The following GSTCD variants were observed in gnomAD, a reference collection of about 807,000 sequenced individuals.
GSTCD encodes glutathione S-transferase C-terminal domain-containing protein.
GSTCD carries 44 observed loss-of-function variants against 68.3 expected under a neutral mutation model. That is an observed-to-expected ratio of 0.64 (90% CI 0.51 to 0.83). The LOEUF (loss-of-function observed/expected upper bound fraction) is 0.83, where lower values mean the gene tolerates loss of function less well. GSTCD is among the 40% of genes least tolerant of loss of function. GSTCD has a pLI of 0.00. For missense variants in GSTCD, 739 were observed against 735.9 expected (o/e 1.00, Z -0.05); for synonymous variants, 273 against 255.2 (o/e 1.07, Z -0.67).
At chr4:105,753,821 A>C (rs2149229343) in intron 5 of GSTCD, among the ~76,000 whole-genome samples, 1 of 152,174 alleles carries the variant, frequency 6.6e-6, no homozygotes, top group South Asian at 2.1e-4. Context: ...GCTCTTTATT[A>C]ATTCCATTTT....
At chr4:105,715,304 TAA>T (rs1285004627) in intron 1 of GSTCD, among the ~76,000 whole-genome samples, 1 of 152,124 alleles carries the variant, frequency 6.6e-6, no homozygotes, top group Non-Finnish European at 1.5e-5. Flanking sequence ...TTCAGCTTTA[TAA>T]AAAAACTCTT....
chr4:105,790,477 A>G (rs1039410620), intron 5 of GSTCD, among the ~76,000 whole-genome samples: 3 of 152,068 alleles, frequency 2.0e-5, no homozygotes, highest in Non-Finnish European at 2.9e-5. Context: ...TTGTCTGTAA[A>G]AAAATTTTAA....
intron 5 of GSTCD, among the ~76,000 whole-genome samples, chr4:105,808,788 T>C (rs1722633445): frequency 6.6e-6 from 1 of 152,100 alleles, no homozygotes; most frequent in South Asian, 2.1e-4. Context: ...TCATTCTAAG[T>C]AGCATGATGA....
chr4:105,740,469 C>T (rs541134707), intron 5 of GSTCD, among the ~76,000 whole-genome samples: 1 of 152,136 alleles, frequency 6.6e-6, no homozygotes, highest in South Asian at 2.1e-4. Context: ...GTTTCTGTTA[C>T]TTCTTTGATG....
At chr4:105,789,933 TA>T (rs924524520) in intron 5 of GSTCD, among the ~76,000 whole-genome samples, 21 of 145,838 alleles carry the variant, frequency 1.4e-4, no homozygotes, top group East Asian at 1.2e-3. Flanking sequence ...CTCTAGTCAT[TA>T]AAAAAAAAAA....
At chr4:105,776,282 G>A (rs1043799125) in intron 5 of GSTCD, among the ~76,000 whole-genome samples, 2 of 152,152 alleles carry the variant, frequency 1.3e-5, no homozygotes, top group Non-Finnish European at 2.9e-5. Context: ...GCTCTGTGGG[G>A]GTGGAATCTG....
chr4:105,808,082 T>C (rs1028068162), intron 5 of GSTCD, among the ~76,000 whole-genome samples: 8 of 152,156 alleles, frequency 5.3e-5, no homozygotes, highest in Admixed American at 4.6e-4. Context: ...TTCTGTTTAC[T>C]AAATATAATA....
At chr4:105,811,696 A>G (rs1373366928) in intron 5 of GSTCD, among the ~76,000 whole-genome samples, 1 of 152,128 alleles carries the variant, frequency 6.6e-6, no homozygotes, top group African/African-American at 2.4e-5. Context: ...AAAGAAAGAA[A>G]AAAAAAATCT....
Position 105,842,112 on chromosome 4 carries a change from C to T in GSTCD, c.1743C>T (p.Leu581=), listed in dbSNP as rs1451918678. The T allele has an allele frequency of 6.2e-7, 1 of 1,613,890 alleles. No homozygotes were observed. The highest frequency in any genetic ancestry group is 1.1e-5 in the South Asian group (1 of 91,072). The part of the protein sequence containing the change: ...CRFADQTAVQ[L]PPQRRLIGKQ... ...TTGCAGACCAGACAGCTGTCCAGCT[C>T]CCACCCCAACGAAGGCTCATAGGTA... Residue 581 remains leucine (L), a synonymous_variant, in exon 11 of 12, where the codon CTC becomes CTT. Transcript: ENST00000515279.
chr4:105,841,201 G>A (rs564279212), intron 10 of GSTCD, among the ~76,000 whole-genome samples: 4 of 152,064 alleles, frequency 2.6e-5, no homozygotes, highest in South Asian at 2.1e-4. Flanking sequence ...GCGTGCGCCT[G>A]TAGTGCCAGC....
At chr4:105,771,104 G>C (rs552766365) in intron 5 of GSTCD, among the ~76,000 whole-genome samples, 1 of 152,134 alleles carries the variant, frequency 6.6e-6, no homozygotes, top group East Asian at 1.9e-4. Flanking sequence ...GTTTTGATTT[G>C]AATTTCTCTA....
chr4:105,839,166 GC>G (rs1724237502), intron 10 of GSTCD, among the ~76,000 whole-genome samples: 1 of 152,100 alleles, frequency 6.6e-6, no homozygotes, highest in South Asian at 2.1e-4. Context: ...TAGTGTTCAT[GC>G]TTTCAGCCAA....
At chr4:105,758,864 C>A (rs989085398) in intron 5 of GSTCD, among the ~76,000 whole-genome samples, 17 of 152,216 alleles carry the variant, frequency 1.1e-4, no homozygotes, top group South Asian at 2.1e-4. Flanking sequence ...ATAAGTTTTA[C>A]AGGCTGATAG....
rs962994351 is a variant in GSTCD at position 105,847,690 on chromosome 4, T to C, written c.*2113T>C. On this transcript the variant is annotated 3_prime_UTR_variant, in exon 12 of 12. Transcript: ENST00000515279. ...TTACTTTAATGATTAATATTTTCTG[T>C]GTTCTTTCTAATAAATTTTACGAAC... The C allele has an allele frequency of 6.6e-6, 1 of 152,204 alleles. No homozygotes were observed. The highest frequency in any genetic ancestry group is 2.4e-5 in the African/African-American group (1 of 41,466). The allele number at this position is 152,204 out of a possible 1,614,324, so 9.4% of individuals were successfully genotyped here.
intron 2 of GSTCD, 40 bp downstream of exon 2, chr4:105,718,079 A>G (rs1315744402): frequency 2.8e-6 from 4 of 1,454,240 alleles, no homozygotes; most frequent in Admixed American, 2.2e-5. Context: ...GAAGCTACAC[A>G]GTGATAACAT....
intron 3 of GSTCD, among the ~76,000 whole-genome samples, chr4:105,724,717 C>T (rs1322184145): frequency 2.0e-5 from 3 of 151,890 alleles, no homozygotes; most frequent in South Asian, 2.1e-4. Context: ...CTATGAGACC[C>T]CTCAAAATAC....
intron 1 of GSTCD, among the ~76,000 whole-genome samples, chr4:105,711,746 C>G (rs1244690514): frequency 6.6e-6 from 1 of 152,102 alleles, no homozygotes; most frequent in African/African-American, 2.4e-5. Flanking sequence ...ATATTTGCAC[C>G]CAGGTGGTCT....
intron 3 of GSTCD, among the ~76,000 whole-genome samples, chr4:105,723,897 A>G (rs1012407365): frequency 6.6e-6 from 1 of 151,778 alleles, no homozygotes; most frequent in Admixed American, 6.6e-5. Context: ...ATTCTTTATC[A>G]TTTGTTCATT....
intron 3 of GSTCD, among the ~76,000 whole-genome samples, chr4:105,722,573 C>T (rs1732890737): frequency 6.6e-6 from 1 of 151,860 alleles, no homozygotes; most frequent in African/African-American, 2.4e-5. Context: ...AAAATAAGAA[C>T]AAATATTTTA....
Sources: gnomAD v4.1 joint callset for allele counts (sites outside exome capture counted in the v4.1 genomes callset) on GRCh38, gnomAD v4.1.1 for gene constraint, MANE v1.5 for transcripts, NCBI Gene and HGNC (gene_info 2026-07-23, HGNC 2026-07-21) for gene names.